Variants in PLCH1 observed in about 807,000 individuals in gnomAD.
The protein encoded by PLCH1 is 1-phosphatidylinositol 4,5-bisphosphate phosphodiesterase eta-1.
In PLCH1, 60 loss-of-function variants were observed where a neutral mutation model predicts 126.7. That is an observed-to-expected ratio of 0.47 (90% CI 0.38 to 0.59). PLCH1 has a LOEUF of 0.59. PLCH1 is among the 20% of genes least tolerant of loss of function. PLCH1 has a pLI of 0.00. For synonymous variants in PLCH1, 719 were observed against 734.9 expected, an observed-to-expected ratio of 0.98 and a Z score of 0.35; for missense variants, 1,723 against 2,040.0, an observed-to-expected ratio of 0.84 and a Z score of 2.99.
chr3:155,458,385 A>AGAAGGAAGGAAG (rs781003032), intron 21 of PLCH1, among the ~76,000 whole-genome samples: 11 of 38,864 alleles, frequency 2.8e-4, no homozygotes, highest in Non-Finnish European at 4.0e-4. Context: ...AAAGAAAGAA[A>AGAAGGAAGGAAG]GAAGGAAGGA....
intron 13 of PLCH1, among the ~76,000 whole-genome samples, chr3:155,501,709 C>T (rs1441188838): frequency 2.6e-5 from 4 of 152,016 alleles, no homozygotes; most frequent in Admixed American, 2.6e-4. Flanking sequence ...GCAGAAGAAT[C>T]GCTTGAACCC....
chr3:155,604,382 T>A (rs1321962463), intron 2 of PLCH1, among the ~76,000 whole-genome samples: 1 of 151,944 alleles, frequency 6.6e-6, no homozygotes, highest in Non-Finnish European at 1.5e-5. Flanking sequence ...GTTTGTTAAT[T>A]TTTTTTCATT....
intron 2 of PLCH1, among the ~76,000 whole-genome samples, chr3:155,650,437 GTAGGAA>G (rs1265475794): frequency 6.6e-6 from 1 of 152,152 alleles, no homozygotes; most frequent in African/African-American, 2.4e-5. Flanking sequence ...GGCAGATCTA[GTAGGAA>G]TCGCTATGAC....
At chr3:155,665,753 A>G (rs1481740261) in intron 2 of PLCH1, among the ~76,000 whole-genome samples, 2 of 152,182 alleles carry the variant, frequency 1.3e-5, no homozygotes, top group East Asian at 1.9e-4. Flanking sequence ...ATTTTTTCCA[A>G]TTATAAATGT....
At chr3:155,587,085 A>C (rs1696619934) in intron 4 of PLCH1, among the ~76,000 whole-genome samples, 1 of 152,156 alleles carries the variant, frequency 6.6e-6, no homozygotes, top group Admixed American at 6.5e-5. Flanking sequence ...TGTTCATAAC[A>C]CAAATCTTGT....
At chr3:155,657,924 T>C (rs1224901581) in intron 2 of PLCH1, 1 of 152,462 alleles carries the variant, frequency 6.6e-6, no homozygotes, top group Non-Finnish European at 1.5e-5. Flanking sequence ...AATCCTGTCC[T>C]GATCAGAGGA....
At chr3:155,642,900 G>T (rs1220154535) in intron 2 of PLCH1, among the ~76,000 whole-genome samples, 1 of 152,088 alleles carries the variant, frequency 6.6e-6, no homozygotes, top group East Asian at 1.9e-4. Context: ...CCAAAGCTAG[G>T]TCATAATGGG....
Position 155,596,334 on chromosome 3 carries a change from T to G in PLCH1, c.124A>C (p.Lys42Gln). Residue 42 changes from lysine to glutamine, a missense_variant, in exon 3 of 23, where the codon AAG becomes CAG. Coordinates refer to ENST00000460012, the MANE Select transcript of PLCH1 (RefSeq NM_014996.4). ...AGCCCTTTGGTTCCACGTTTCAGCT[T>G]GATCATCTGTGTCCCGGACTGCATC... ...SVMQSGTQMI[K>Q]LKRGTKGLVR... The G allele has an allele frequency of 1.2e-6, 2 of 1,613,756 alleles. No homozygotes were observed. The highest frequency in any genetic ancestry group is 1.7e-6 in the Non-Finnish European group (2 of 1,179,728).
At chr3:155,498,677 T>C (rs1289395888) in intron 14 of PLCH1, among the ~76,000 whole-genome samples, 2 of 152,250 alleles carry the variant, frequency 1.3e-5, no homozygotes, top group East Asian at 1.9e-4. Flanking sequence ...ATTGGAGAGA[T>C]GTAATTACAA....
At chr3:155,642,828 C>T (rs1169230296) in intron 2 of PLCH1, among the ~76,000 whole-genome samples, 2 of 152,166 alleles carry the variant, frequency 1.3e-5, no homozygotes, top group Non-Finnish European at 2.9e-5. Context: ...GTAGTGTCCT[C>T]CTACATTGAA....
At chr3:155,683,415 A>C (rs1744684302) in intron 2 of PLCH1, among the ~76,000 whole-genome samples, 1 of 152,214 alleles carries the variant, frequency 6.6e-6, no homozygotes, top group African/African-American at 2.4e-5. Flanking sequence ...CTTGATTTCA[A>C]CTTGAGCAAT....
At chr3:155,637,307 GC>G (rs1444279297) in intron 2 of PLCH1, among the ~76,000 whole-genome samples, 1 of 152,200 alleles carries the variant, frequency 6.6e-6, no homozygotes, top group East Asian at 1.9e-4. Flanking sequence ...GCCAGAAGAG[GC>G]TAAACCCTTA....
intron 1 of PLCH1, among the ~76,000 whole-genome samples, chr3:155,728,430 A>T (rs1748507063): frequency 6.6e-6 from 1 of 152,216 alleles, no homozygotes; most frequent in African/African-American, 2.4e-5. Context: ...CGACTATCCA[A>T]AGGGCTAGGT....
At chr3:155,486,408 T>C (rs1715105983) in intron 21 of PLCH1, among the ~76,000 whole-genome samples, 1 of 151,876 alleles carries the variant, frequency 6.6e-6, no homozygotes, top group Non-Finnish European at 1.5e-5. Context: ...GAACACATCT[T>C]GAAAGGAATA....
chr3:155,551,101 C>T (rs535005462), intron 9 of PLCH1, among the ~76,000 whole-genome samples: 2 of 152,296 alleles, frequency 1.3e-5, no homozygotes, highest in South Asian at 4.1e-4. Flanking sequence ...CCTGCAGTCA[C>T]ATCAGGGAGT....
intron 2 of PLCH1, among the ~76,000 whole-genome samples, chr3:155,686,313 C>A (rs539980217): frequency 6.6e-6 from 1 of 152,282 alleles, no homozygotes; most frequent in East Asian, 1.9e-4. Context: ...AGTTTGTCAA[C>A]TGTAGATCCC....
intron 2 of PLCH1, among the ~76,000 whole-genome samples, chr3:155,685,024 G>C (rs1322131303): frequency 6.6e-6 from 1 of 152,196 alleles, no homozygotes; most frequent in African/African-American, 2.4e-5. Context: ...CTAGAACAAT[G>C]AATGTCTTGC....
chr3:155,676,597 C>T (rs1744109997), intron 2 of PLCH1, among the ~76,000 whole-genome samples: 1 of 152,124 alleles, frequency 6.6e-6, no homozygotes, highest in Non-Finnish European at 1.5e-5. Flanking sequence ...AAGCAAACAT[C>T]ACTCCATCGG....
chr3:155,538,391 A>G (rs1297469474), intron 10 of PLCH1, among the ~76,000 whole-genome samples: 1 of 152,114 alleles, frequency 6.6e-6, no homozygotes, highest in African/African-American at 2.4e-5. Flanking sequence ...AAGAAATAAC[A>G]AAGATCAGAG....
Sources: gnomAD v4.1 joint callset for allele counts (sites outside exome capture counted in the v4.1 genomes callset) on GRCh38, gnomAD v4.1.1 for gene constraint, MANE v1.5 for transcripts, NCBI Gene and HGNC (gene_info 2026-07-23, HGNC 2026-07-21) for gene names.